The following SH3D19 variants were observed in gnomAD, a reference collection of about 807,000 sequenced individuals.
SH3D19 encodes SH3 domain-containing protein 19.
In SH3D19, 58 loss-of-function variants were observed where a neutral mutation model predicts 112.1. The ratio of observed to expected loss-of-function variants is 0.52; its 90% CI spans 0.42 to 0.64. The LOEUF is 0.64. Ranked by LOEUF, SH3D19 falls within the 30% of genes least tolerant of loss-of-function variation. The probability of loss-of-function intolerance (pLI) is 0.00; values close to 1 mark genes in which losing one functional copy is unlikely to be tolerated. For missense variants in SH3D19, 1,090 were observed against 1,263.4 expected (o/e 0.86, Z 2.08); for synonymous variants, 391 against 448.5 (o/e 0.87, Z 1.62).
chr4:151,187,948 A>G (rs148658878), intron 2 of SH3D19, among the ~76,000 whole-genome samples: 2 of 152,234 alleles, frequency 1.3e-5, no homozygotes, highest in African/African-American at 4.8e-5. Flanking sequence ...TAATCTTGTG[A>G]GACTTTCCCC....
At chr4:151,185,040 GTTTTTTTTT>G (rs66567240) in intron 3 of SH3D19, among the ~76,000 whole-genome samples, 1 of 66,520 alleles carries the variant, frequency 1.5e-5, no homozygotes, top group African/African-American at 6.8e-5. Flanking sequence ...GCTGTGTCCT[GTTTTTTTTT>G]TTTTTTTTTT....
intron 1 of SH3D19, among the ~76,000 whole-genome samples, chr4:151,299,133 G>C (rs1156800655): frequency 6.6e-6 from 1 of 152,132 alleles, no homozygotes; most frequent in Non-Finnish European, 1.5e-5. Flanking sequence ...AGCTATGGTT[G>C]CAACTACTGC....
At chr4:151,165,399 G>T (rs1427787181) in intron 8 of SH3D19, among the ~76,000 whole-genome samples, 190 bp downstream of exon 8, 1 of 152,090 alleles carries the variant, frequency 6.6e-6, no homozygotes, top group Admixed American at 6.6e-5. Flanking sequence ...AAAGGGAAGC[G>T]AAGGGGAAAG....
intron 7 of SH3D19, chr4:151,165,976 C>A: frequency 6.8e-6 from 2 of 293,684 alleles, no homozygotes; most frequent in South Asian, 4.5e-5. Flanking sequence ...GGAGTGTAAT[C>A]ATTTCATACG....
intron 2 of SH3D19, among the ~76,000 whole-genome samples, chr4:151,214,063 A>G (rs1196494016): frequency 4.1e-5 from 6 of 147,526 alleles, no homozygotes; most frequent in Non-Finnish European, 9.0e-5. Context: ...GGGAGTGATG[A>G]TGACTCTTAA....
At chr4:151,219,567 C>G (rs538803616) in intron 2 of SH3D19, among the ~76,000 whole-genome samples, 1 of 152,350 alleles carries the variant, frequency 6.6e-6, no homozygotes, top group South Asian at 2.1e-4. Context: ...GAAATGGTAT[C>G]TCATTACCAT....
At chr4:151,161,637 TATA>T (rs1271438747) in intron 8 of SH3D19, among the ~76,000 whole-genome samples, 9 of 141,862 alleles carry the variant, frequency 6.3e-5, no homozygotes, top group African/African-American at 1.9e-4. Context: ...TATATATATA[TATA>T]TTTTAATTAT....
chr4:151,162,220 A>T (rs1579882972), intron 8 of SH3D19, among the ~76,000 whole-genome samples: 1 of 150,928 alleles, frequency 6.6e-6, no homozygotes, highest in East Asian at 1.9e-4. Flanking sequence ...TCACTGTTCA[A>T]CTCCCACTTA....
intron 1 of SH3D19, among the ~76,000 whole-genome samples, chr4:151,313,418 T>C (rs1054874266): frequency 6.6e-6 from 1 of 151,764 alleles, no homozygotes; most frequent in African/African-American, 2.4e-5. Flanking sequence ...TATTTATTTA[T>C]TTATTTATTT....
chr4:151,288,648 G>A (rs1268128078), intron 1 of SH3D19, among the ~76,000 whole-genome samples: 2 of 151,670 alleles, frequency 1.3e-5, no homozygotes, highest in Non-Finnish European at 2.9e-5. Flanking sequence ...CAGCCTGGGC[G>A]GGGCAACGAA....
At chr4:151,215,434 A>G (rs1229501854) in intron 2 of SH3D19, among the ~76,000 whole-genome samples, 1 of 152,256 alleles carries the variant, frequency 6.6e-6, no homozygotes, top group Non-Finnish European at 1.5e-5. Context: ...TTTATAGTTG[A>G]GGGAATGTTT....
At chr4:151,189,927 T>C (rs1355071767) in intron 2 of SH3D19, among the ~76,000 whole-genome samples, 1 of 152,042 alleles carries the variant, frequency 6.6e-6, no homozygotes, top group Non-Finnish European at 1.5e-5. Context: ...GACAGGAAAA[T>C]GTGGGACAGT....
Position 151,121,175 on chromosome 4 carries a change from T to C in SH3D19, c.*916A>G, listed in dbSNP as rs1747931295. ...TTTCCATCTTAACAGTTGTTCTGTA[T>C]TGTAAGATTTTATATGTGATTCATA... On this transcript the variant is annotated 3_prime_UTR_variant, in exon 20 of 20. Transcript: ENST00000604030. The C allele has an allele frequency of 6.6e-6, 1 of 152,636 alleles. No homozygotes were observed. Among genetic ancestry groups the C allele is most frequent in the African/African-American group, 2.4e-5 (1 of 41,454 alleles). 9.5% of individuals were successfully genotyped at this position (152,636 alleles called of 1,614,324 possible).
Position 151,215,237 on chromosome 4 carries a change from G to T in SH3D19, c.152+10810C>A, listed in dbSNP as rs117784986. Reference sequence around the variant, plus strand: ...ACAGCCGGCCTCATTAAAATATTCTGAAGACCGTACTTCAGTTTATAAGGC... The same window carrying T: ...ACAGCCGGCCTCATTAAAATATTCTTAAGACCGTACTTCAGTTTATAAGGC... On this transcript the variant is annotated intron_variant, in intron 2 of 19. Coordinates refer to ENST00000604030, the MANE Select transcript of SH3D19 (RefSeq NM_001378122.1). Among the ~76,000 whole-genome samples, 333 of 152,282 alleles carry T rather than the reference G, an allele frequency of 2.2e-3. 9 individuals carry two copies. In the East Asian group the frequency reaches 0.058, roughly 26 times the overall value.
intron 1 of SH3D19, among the ~76,000 whole-genome samples, chr4:151,251,606 C>T (rs1369425188): frequency 1.3e-5 from 2 of 152,088 alleles, no homozygotes; most frequent in Non-Finnish European, 2.9e-5. Flanking sequence ...ACTCTCTACA[C>T]CCCCTTCATT....
At chr4:151,146,990 A>G (rs906740988) in intron 11 of SH3D19, among the ~76,000 whole-genome samples, 2 of 152,222 alleles carry the variant, frequency 1.3e-5, no homozygotes, top group African/African-American at 4.8e-5. Context: ...ACAAAAGGGG[A>G]AAATGAGGGA....
chr4:151,270,864 C>T (rs1031353770), intron 1 of SH3D19, among the ~76,000 whole-genome samples: 16 of 152,212 alleles, frequency 1.1e-4, no homozygotes, highest in Non-Finnish European at 2.1e-4. Flanking sequence ...TAAAACTAGA[C>T]TGGACCTTTT....
At chr4:151,168,848 G>A (rs1206266508) in intron 7 of SH3D19, among the ~76,000 whole-genome samples, 1 of 152,140 alleles carries the variant, frequency 6.6e-6, no homozygotes, top group Non-Finnish European at 1.5e-5. Context: ...AAAATCTTGA[G>A]CATGTAATGA....
chr4:151,313,089 A>G (rs1013656059), intron 1 of SH3D19, among the ~76,000 whole-genome samples: 11 of 141,102 alleles, frequency 7.8e-5, no homozygotes, highest in African/African-American at 2.9e-4. Flanking sequence ...CTCTGTCTCA[A>G]AAAAAAAAAA....
Sources: allele counts gnomAD v4.1 joint callset (sites outside exome capture counted in the v4.1 genomes callset), GRCh38; gene constraint gnomAD v4.1.1; transcripts MANE v1.5; gene names NCBI Gene and HGNC (gene_info 2026-07-23, HGNC 2026-07-21).